Variants in SND1 observed in about 807,000 individuals in gnomAD.
SND1 encodes the protein staphylococcal nuclease domain-containing protein 1.
In SND1, 38 loss-of-function variants were observed where a neutral mutation model predicts 121.7. The observed-to-expected ratio is 0.31, with a 90% CI of 0.24 to 0.41. The LOEUF (loss-of-function observed/expected upper bound fraction) is 0.41, where lower values mean the gene tolerates loss of function less well. Ranked by LOEUF, SND1 falls within the 10% of genes least tolerant of loss-of-function variation. The pLI, the probability that SND1 is intolerant of heterozygous loss-of-function variation, is 1.00. For synonymous variants in SND1, 401 were observed against 447.4 expected, an observed-to-expected ratio of 0.90 and a Z score of 1.31; for missense variants, 868 against 1,184.6, an observed-to-expected ratio of 0.73 and a Z score of 3.92.
At chr7:127,748,762 G>A (rs1039947995) in intron 10 of SND1, among the ~76,000 whole-genome samples, 1 of 152,168 alleles carries the variant, frequency 6.6e-6, no homozygotes, top group African/African-American at 2.4e-5. Flanking sequence ...GTGGAACAGG[G>A]TGGTTTAGTA....
chr7:127,848,397 G>A (rs1421935604), intron 12 of SND1, among the ~76,000 whole-genome samples: 2 of 152,212 alleles, frequency 1.3e-5, no homozygotes, highest in African/African-American at 4.8e-5. Flanking sequence ...GTGCTCAGGT[G>A]TTGTACAGTG....
intron 12 of SND1, among the ~76,000 whole-genome samples, chr7:127,885,805 A>G (rs922510157): frequency 1.2e-4 from 18 of 152,114 alleles, no homozygotes; most frequent in African/African-American, 4.3e-4. Flanking sequence ...TAAAATGTCA[A>G]TGCTCAGTAA....
chr7:127,676,122 G>T (rs1387283484), intron 1 of SND1, among the ~76,000 whole-genome samples: 1 of 152,112 alleles, frequency 6.6e-6, no homozygotes, highest in Non-Finnish European at 1.5e-5. Flanking sequence ...AGTATTTGGG[G>T]TTTATTAGCA....
chr7:127,853,643 T>TTTTA (rs1799216116), intron 12 of SND1, among the ~76,000 whole-genome samples: 1 of 152,164 alleles, frequency 6.6e-6, no homozygotes, highest in Non-Finnish European at 1.5e-5. Context: ...GGGCTTGTAT[T>TTTTA]TTTATTAGGC....
At chr7:127,898,581 A>T (rs1156256779) in intron 13 of SND1, among the ~76,000 whole-genome samples, 1 of 152,184 alleles carries the variant, frequency 6.6e-6, no homozygotes, top group African/African-American at 2.4e-5. Flanking sequence ...ATATTCCTCA[A>T]TGTGACCTGA....
chr7:127,792,911 G>T (rs1050658386), intron 10 of SND1, among the ~76,000 whole-genome samples: 3 of 152,260 alleles, frequency 2.0e-5, no homozygotes, highest in African/African-American at 7.2e-5. Flanking sequence ...CCTTCTTCCA[G>T]TTCTGGCTCT....
intron 12 of SND1, among the ~76,000 whole-genome samples, chr7:127,879,585 A>G (rs1799752252): frequency 6.6e-6 from 1 of 152,138 alleles, no homozygotes; most frequent in Non-Finnish European, 1.5e-5. Flanking sequence ...CCCCATGGTA[A>G]AACATCCCCT....
chr7:127,968,000 AC>A (rs1203078419), intron 15 of SND1, among the ~76,000 whole-genome samples: 1 of 152,098 alleles, frequency 6.6e-6, no homozygotes, highest in Non-Finnish European at 1.5e-5. Context: ...GGTTGCTCTT[AC>A]CTCCATTTAA....
At position 127,722,706 on chromosome 7, in the gene SND1, G is replaced by A. The variant is rs1050693203; in HGVS notation, c.1152+1306G>A. On this transcript the variant is annotated intron_variant, in intron 10 of 23. Coordinates refer to ENST00000354725, the MANE Select transcript of SND1 (RefSeq NM_014390.4). ...TTGTGTGAGAGTTTATAGACAGCCC[G>A]TAAGAGTAAAATAAAAATATGATTG... is the stretch of plus-strand genomic sequence containing the variant. Among the ~76,000 whole-genome samples, 6 of 152,226 alleles carry A rather than the reference G, an allele frequency of 3.9e-5. No individual in the cohort carries two copies. In the East Asian group the frequency reaches 9.7e-4, roughly 25 times the overall value.
intron 15 of SND1, among the ~76,000 whole-genome samples, chr7:127,932,057 A>G (rs1800965441): frequency 6.6e-6 from 1 of 152,220 alleles, no homozygotes; most frequent in African/African-American, 2.4e-5. Context: ...TTGATTTTCA[A>G]ACCTTACTAT....
chr7:127,722,113 G>A (rs916907773), intron 10 of SND1, among the ~76,000 whole-genome samples: 2 of 152,058 alleles, frequency 1.3e-5, no homozygotes, highest in Non-Finnish European at 2.9e-5. Context: ...TGGGGATTTG[G>A]TTATGTCATA....
chr7:127,675,101 T>C (rs1021835663), intron 1 of SND1, among the ~76,000 whole-genome samples: 6 of 152,100 alleles, frequency 3.9e-5, no homozygotes, highest in Non-Finnish European at 5.9e-5. Flanking sequence ...CTTGGGAGGG[T>C]GAGGCATGAG....
In SND1 at chr7:128,092,380, T is replaced by C. The variant is rs1460815252; in HGVS notation, c.*322T>C. The C allele has an allele frequency of 7.1e-5, 25 of 349,814 alleles. No individual in the cohort carries two copies. The highest frequency in any genetic ancestry group is 1.3e-4 in the Non-Finnish European group (24 of 191,142). The allele number at this position is 349,814 out of a possible 1,614,324, so 21.7% of individuals were successfully genotyped here. A position where few individuals can be genotyped will look rare whatever the true frequency, so the allele number is the denominator to read the frequency against. ...AGAAACATCAAAGACTATGTCCTAG[T>C]GGAGGGAGTAATCCTAACACCCAGG... On this transcript the variant is annotated 3_prime_UTR_variant, in exon 24 of 24. Transcript: ENST00000354725. The surrounding 1 kb of genome is among the most constrained non-coding windows in gnomAD (Gnocchi z 4.9).
chr7:128,058,096 A>G (rs1793171978), intron 16 of SND1, among the ~76,000 whole-genome samples: 3 of 152,238 alleles, frequency 2.0e-5, no homozygotes, highest in African/African-American at 7.2e-5. Flanking sequence ...GAAAGCTCCC[A>G]TGTAGTTCTA....
In SND1 at chr7:128,029,783, A is replaced by C; in HGVS notation, c.1779+38727A>C. The C allele has an allele frequency of 6.2e-7, 1 of 1,613,956 alleles. No individual in the cohort carries two copies. The highest frequency in any genetic ancestry group is 8.5e-7 in the Non-Finnish European group (1 of 1,180,028). On this transcript the variant is annotated intron_variant, in intron 16 of 23. Transcript: ENST00000354725. This position sits in a 1 kb window ranked among gnomAD's most constrained non-coding sequence, Gnocchi z 4.2. The stretch of plus-strand genomic sequence containing the variant: ...ACTCCACCAGGTACCTCAGCGGGGT[A>C]AAGAGGTCATGGGGCAAAGAAGAGA...
At position 128,015,265 on chromosome 7, in the gene SND1, G is replaced by T. The variant is rs558624556; in HGVS notation, c.1779+24209G>T. On this transcript the variant is annotated intron_variant, in intron 16 of 23. Coordinates refer to ENST00000354725, the MANE Select transcript of SND1 (RefSeq NM_014390.4). The surrounding 1 kb of genome is among the most constrained non-coding windows in gnomAD (Gnocchi z 4.5). ...TCAACGTGGGGCTAAAATGAAGACC[G>T]CTCTTAGTTCATGTTCTGGCATATT... 6.6e-6 allele frequency among the ~76,000 whole-genome samples: 1 copy of T among 152,202 alleles called. No homozygotes were observed. Among genetic ancestry groups the T allele is most frequent in the African/African-American group, 2.4e-5 (1 of 41,450 alleles).
Position 127,652,463 on chromosome 7 carries a change from C to A in SND1, c.78+12C>A, listed in dbSNP as rs1354876182. 6.4e-7 allele frequency: 1 copy of A among 1,559,988 alleles called. No homozygotes were observed. The highest frequency in any genetic ancestry group is 8.7e-7 in the Non-Finnish European group (1 of 1,150,958). On this transcript the variant is annotated intron_variant, in intron 1 of 23. Coordinates refer to ENST00000354725, the MANE Select transcript of SND1 (RefSeq NM_014390.4). ...GCATCATCAAGATGGTGAGAACGGG[C>A]CCCGGACACCGACCCCTCTGCCTGC...
At chr7:127,718,676 A>G in intron 9 of SND1, 1 of 985,386 alleles carries the variant, frequency 1.0e-6, no homozygotes, top group Non-Finnish European at 1.2e-6. Context: ...CGTTGCTGCT[A>G]ACATATTACA....
At chr7:128,087,501 G>A (rs959144931) in intron 21 of SND1, among the ~76,000 whole-genome samples, 1 of 152,248 alleles carries the variant, frequency 6.6e-6, no homozygotes, top group African/African-American at 2.4e-5. Context: ...ACAGTGAACA[G>A]AGGGACTAGA....
Sources: allele counts gnomAD v4.1 joint callset (sites outside exome capture counted in the v4.1 genomes callset), GRCh38; gene constraint gnomAD v4.1.1; non-coding constraint Gnocchi (gnomAD v3.1); transcripts MANE v1.5; gene names NCBI Gene and HGNC (gene_info 2026-07-23, HGNC 2026-07-21).